EYS: variants seen among roughly 807,000 people sequenced by gnomAD.
EYS encodes protein eyes shut homolog.
A neutral mutation model predicts 282.1 loss-of-function variants in EYS; 250 were observed. The observed-to-expected ratio is 0.89, with a 90% confidence interval of 0.80 to 0.98. EYS has a LOEUF of 0.98. Ranked by LOEUF, EYS falls within the 50% of genes least tolerant of loss-of-function variation. EYS has a pLI of 0.00. For missense variants in EYS, 4,016 were observed against 3,709.0 expected (o/e 1.08, Z -2.15); for synonymous variants, 1,355 against 1,282.9 (o/e 1.06, Z -1.20).
intron 29 of EYS, among the ~76,000 whole-genome samples, chr6:64,344,064 A>G (rs994359802): frequency 6.6e-6 from 1 of 152,164 alleles, no homozygotes; most frequent in African/African-American, 2.4e-5. Flanking sequence ...GCAATAATTA[A>G]TAGCTTACCA....
intron 11 of EYS, 60 bp downstream of exon 11, chr6:65,334,920 A>C: frequency 3.4e-6 from 5 of 1,489,474 alleles, no homozygotes; most frequent in Non-Finnish European, 2.8e-6. Flanking sequence ...TTCGATGACT[A>C]TCAATTTAAT....
intron 31 of EYS, among the ~76,000 whole-genome samples, chr6:64,151,321 A>ATATATATATATATG (rs1195789344): frequency 1.0e-4 from 5 of 49,288 alleles, no homozygotes; most frequent in Non-Finnish European, 2.3e-4. Context: ...GTATATTTAT[A>ATATATATATATATG]TATATATATA....
intron 12 of EYS, among the ~76,000 whole-genome samples, chr6:65,124,926 A>C (rs1233842187): frequency 1.3e-5 from 2 of 152,214 alleles, no homozygotes; most frequent in Admixed American, 6.5e-5. Flanking sequence ...GTGGAGGGTA[A>C]ATTGCCTTTT....
intron 29 of EYS, among the ~76,000 whole-genome samples, chr6:64,363,699 A>G (rs529162630): frequency 7.2e-5 from 11 of 152,028 alleles, no homozygotes; most frequent in African/African-American, 2.4e-4. Context: ...CAATCTACCA[A>G]ATAGTGTGTC....
rs398110200 is a variant in EYS at position 65,295,857 on chromosome 6, A to AG, written c.2023+5_2023+6insC. ...AATTTAATTTATCAGGAAAAAAAAA[A>AG]CTTGCCTTTAAATCCTGGGACACAC... On this transcript the variant is annotated splice_donor_region_variant and intron_variant, in intron 12 of 42. Transcript: ENST00000503581. The AG allele has an allele frequency of 2.0e-6, 3 of 1,526,246 alleles. No individual in the cohort carries two copies. The East Asian group carries it at 7.4e-5, about 38-fold the overall frequency. 94.5% of individuals were successfully genotyped at this position (1,526,246 alleles called of 1,614,324 possible). A position where few individuals can be genotyped will look rare whatever the true frequency, so the allele number is the denominator to read the frequency against.
rs576764227 is a variant in EYS, at chr6:65,321,164, G to C, written c.1766+13816C>G. On this transcript the variant is annotated intron_variant, in intron 11 of 42. Transcript: ENST00000503581. The stretch of plus-strand genomic sequence containing the variant: ...TGAAAGCCTTTTTTTTTTTTTTTTT[G>C]GCAGATGCAGTATTCTGAGAAATGG... 4.2e-5 allele frequency among the ~76,000 whole-genome samples: 4 copies of C among 94,836 alleles called. No individual in the cohort carries two copies. The South Asian group carries it at 1.4e-3, about 32-fold the overall frequency. The allele number at this position is 94,836 out of a possible 152,430, so 62.2% of individuals were successfully genotyped here.
intron 29 of EYS, among the ~76,000 whole-genome samples, chr6:64,339,767 T>C (rs149291932): frequency 1.8e-3 from 269 of 151,982 alleles, no homozygotes; most frequent in African/African-American, 6.3e-3. Flanking sequence ...TGGATGAGAT[T>C]GGAGACTATT....
chr6:64,513,050 C>G (rs1188928289), intron 26 of EYS, among the ~76,000 whole-genome samples: 1 of 151,082 alleles, frequency 6.6e-6, no homozygotes, highest in Non-Finnish European at 1.5e-5. Context: ...ACCCAAGTAT[C>G]CAAACATAGT....
In EYS at chr6:65,076,683, TACAC is replaced by T. The variant is rs36094243; in HGVS notation, c.2024-18960_2024-18957del. ...GCATAAATATATACACATAAATATA[TACAC>T]ACACACACACACACACACATACATA... On this transcript the variant is annotated intron_variant, in intron 12 of 42. Transcript: ENST00000503581. Among the ~76,000 whole-genome samples, 860 of 149,462 alleles carry T rather than the reference TACAC, an allele frequency of 5.8e-3. 7 individuals are homozygous for T. Among genetic ancestry groups the T allele is most frequent in the African/African-American group, 0.018 (754 of 40,862 alleles).
chr6:65,185,249 C>A (rs899499759), intron 12 of EYS, among the ~76,000 whole-genome samples: 12 of 151,870 alleles, frequency 7.9e-5, no homozygotes, highest in Admixed American at 7.9e-4. Flanking sequence ...AGTACACCAA[C>A]TTTGTGACAT....
At chr6:64,852,889 C>A (rs1284545224) in intron 19 of EYS, among the ~76,000 whole-genome samples, 5 of 152,102 alleles carry the variant, frequency 3.3e-5, no homozygotes, top group African/African-American at 1.2e-4. Context: ...CTTGTACCTA[C>A]CAGAACTGTA....
rs138830975 is a variant in EYS at position 65,247,377 on chromosome 6, T to G, written c.2023+48486A>C. Among the ~76,000 whole-genome samples, 273 of 152,244 alleles carry G rather than the reference T, an allele frequency of 1.8e-3. 4 individuals are homozygous for G. The East Asian group carries it at 0.045, about 25-fold the overall frequency. On this transcript the variant is annotated intron_variant, in intron 12 of 42. Coordinates refer to ENST00000503581, the MANE Select transcript of EYS (RefSeq NM_001142800.2). The stretch of plus-strand genomic sequence containing the variant: ...TTTCCTCTGATAACTTTCTATCAGA[T>G]AGGACCCATTCCTATACCTAATCTT...
At chr6:63,874,352 A>G (rs1440549532) in intron 35 of EYS, among the ~76,000 whole-genome samples, 2 of 152,078 alleles carry the variant, frequency 1.3e-5, no homozygotes, top group Non-Finnish European at 2.9e-5. Context: ...CCATTGGTCT[A>G]TATCTCTGTT....
chr6:64,048,104 C>T (rs1256552196), intron 33 of EYS, among the ~76,000 whole-genome samples: 1 of 152,006 alleles, frequency 6.6e-6, no homozygotes, highest in Non-Finnish European at 1.5e-5. Context: ...CGGGATTTTG[C>T]CATGTTGGCC....
intron 22 of EYS, among the ~76,000 whole-genome samples, chr6:64,652,896 GTGTT>G (rs1429863389): frequency 1.3e-5 from 2 of 152,120 alleles, no homozygotes; most frequent in South Asian, 2.1e-4. Context: ...ATGTGTGTGT[GTGTT>G]TGTGCATTTT....
intron 19 of EYS, among the ~76,000 whole-genome samples, chr6:64,880,466 T>C (rs976785609): frequency 5.3e-5 from 8 of 151,792 alleles, no homozygotes; most frequent in Non-Finnish European, 4.4e-5. Context: ...CATCTTTATA[T>C]GTAATTAAGT....
intron 1 of EYS, among the ~76,000 whole-genome samples, chr6:65,670,944 A>C (rs188832387): frequency 6.6e-6 from 1 of 152,024 alleles, no homozygotes; most frequent in Non-Finnish European, 1.5e-5. Context: ...TTAACAACCC[A>C]TCTTTTAAAG....
chr6:64,617,920 T>A (rs1767325960), intron 23 of EYS, among the ~76,000 whole-genome samples: 1 of 152,184 alleles, frequency 6.6e-6, no homozygotes, highest in African/African-American at 2.4e-5. Flanking sequence ...AATAATTCCC[T>A]TAATATGAAT....
intron 31 of EYS, among the ~76,000 whole-genome samples, chr6:64,143,358 A>T (rs1401962492): frequency 2.4e-4 from 2 of 8,318 alleles, no homozygotes; most frequent in Non-Finnish European, 4.6e-4. Context: ...ATTTATTGTA[A>T]AAAAAAAAAA....
Sources: allele counts gnomAD v4.1 joint callset (sites outside exome capture counted in the v4.1 genomes callset), GRCh38; gene constraint gnomAD v4.1.1; transcripts MANE v1.5; gene names NCBI Gene and HGNC (gene_info 2026-07-23, HGNC 2026-07-21).